The following SEPTIN2 variants were observed in gnomAD, a reference collection of about 807,000 sequenced individuals.
SEPTIN2 encodes septin-2.
In SEPTIN2, 34 loss-of-function variants were observed where a neutral mutation model predicts 46.5. That is an observed-to-expected ratio of 0.73 (90% CI 0.56 to 0.97). The LOEUF is 0.97. Ranked by LOEUF, SEPTIN2 falls within the 50% of genes least tolerant of loss-of-function variation. The pLI, the probability that SEPTIN2 is intolerant of heterozygous loss-of-function variation, is 0.00. For missense variants in SEPTIN2, 347 were observed against 448.4 expected, an observed-to-expected ratio of 0.77 and a Z score of 2.04; for synonymous variants, 175 against 153.4, an observed-to-expected ratio of 1.14 and a Z score of -1.04.
In SEPTIN2 at chr2:241,317,410, A is replaced by G. The variant is rs1373972737; in HGVS notation, c.-18+1428A>G. On this transcript the variant is annotated intron_variant, in intron 1 of 12. Transcript: ENST00000391971. ...GATTTACATTCTGACTGGCTCTTAA[A>G]CTAGCAAGGTGACCTAGGGAAAGGG... 1.8e-5 allele frequency: 6 copies of G among 325,888 alleles called. No individual in the cohort carries two copies. In the Admixed American group the frequency reaches 3.9e-4, roughly 21 times the overall value. 20.2% of individuals were successfully genotyped at this position (325,888 alleles called of 1,614,324 possible). A position where few individuals can be genotyped will look rare whatever the true frequency, so the allele number is the denominator to read the frequency against.
At chr2:241,351,335 AAAAATAC>A (rs1287639774) in intron 12 of SEPTIN2, 1 of 152,218 alleles carries the variant, frequency 6.6e-6, no homozygotes, top group African/African-American at 2.4e-5. Context: ...CAAAATGCAC[AAAAATAC>A]GTATGTACAG....
rs111967172 is a variant in SEPTIN2, at chr2:241,337,534, G to A, written c.476+18G>A. On this transcript the variant is annotated intron_variant, in intron 6 of 12. Coordinates refer to ENST00000391971, the MANE Select transcript of SEPTIN2 (RefSeq NM_004404.5). ...GGACATGGGTAAGTAATTGTTTATC[G>A]TGGAGAAATGCTTTACTACATGGGT... 23 of 1,612,182 alleles carry A rather than the reference G, an allele frequency of 1.4e-5. No individual in the cohort carries two copies. Among genetic ancestry groups the A allele is most frequent in the African/African-American group, 1.2e-4 (9 of 74,970 alleles).
chr2:241,315,796 GA>G (rs1169850307), upstream of SEPTIN2: 1 of 152,462 alleles, frequency 6.6e-6, no homozygotes, highest in Non-Finnish European at 1.5e-5. Flanking sequence ...CCGCATGGGG[GA>G]GGGGAAGAAG....
chr2:241,338,338 C>G (rs1358562034), intron 7 of SEPTIN2, among the ~76,000 whole-genome samples: 2 of 151,908 alleles, frequency 1.3e-5, no homozygotes, highest in South Asian at 2.1e-4. Context: ...TTACTTTGTT[C>G]TGATTATATG....
At position 241,337,805 on chromosome 2, in the gene SEPTIN2, C is replaced by T. The variant is rs1277716593; in HGVS notation, c.594+15C>T. 5.1e-6 allele frequency: 8 copies of T among 1,573,418 alleles called. No individual in the cohort carries two copies. Among genetic ancestry groups the T allele is most frequent in the African/African-American group, 4.1e-5 (3 of 74,070 alleles). Reference sequence around the variant, plus strand: ...TGAAGAAAAGGGTGAGTGAGGCTGGCGTCCTGCCCTCCCTCTGGGTGCGAC... The same window carrying T: ...TGAAGAAAAGGGTGAGTGAGGCTGGTGTCCTGCCCTCCCTCTGGGTGCGAC... On this transcript the variant is annotated intron_variant, in intron 7 of 12. Transcript: ENST00000391971.
intron 1 of SEPTIN2, chr2:241,318,343 A>C (rs1447508336): frequency 6.6e-6 from 1 of 152,220 alleles, no homozygotes; most frequent in Non-Finnish European, 1.5e-5. Context: ...ATAGGTGATA[A>C]GGTAAGTGCC....
At chr2:241,333,974 C>T (rs774216151) in intron 3 of SEPTIN2, among the ~76,000 whole-genome samples, 4 of 152,272 alleles carry the variant, frequency 2.6e-5, no homozygotes, top group East Asian at 1.9e-4. Flanking sequence ...CCCTAGCCTC[C>T]CAAGTAGCTG....
At chr2:241,335,349 G>A in intron 4 of SEPTIN2, 137 bp downstream of exon 4, 1 of 1,552,816 alleles carries the variant, frequency 6.4e-7, no homozygotes, top group Non-Finnish European at 8.7e-7. Context: ...ACACTTTTAT[G>A]GGGTAGGTGT....
At chr2:241,334,189 A>G (rs895751416) in intron 3 of SEPTIN2, among the ~76,000 whole-genome samples, 3 of 152,032 alleles carry the variant, frequency 2.0e-5, no homozygotes, top group Non-Finnish European at 2.9e-5. Context: ...TAATTTTTCA[A>G]AAGAGATGTG....
rs149319447 is a variant in SEPTIN2 at position 241,325,781 on chromosome 2, A to G, written c.10-212A>G. ...GTTAATTTTCAGTCGCATACAACTA[A>G]GGAGTTATACTAGATAAGTTTTTCT... On this transcript the variant is annotated intron_variant, in intron 2 of 12. Coordinates refer to ENST00000391971, the MANE Select transcript of SEPTIN2 (RefSeq NM_004404.5). Among the ~76,000 whole-genome samples, 185 of 152,360 alleles carry G rather than the reference A, an allele frequency of 1.2e-3. 1 individual carries two copies. Among genetic ancestry groups the G allele is most frequent in the African/African-American group, 4.4e-3 (181 of 41,578 alleles).
chr2:241,338,955 A>ATATATAATTACATATATTTATT (rs2080824145), intron 7 of SEPTIN2, among the ~76,000 whole-genome samples: 5 of 99,698 alleles, frequency 5.0e-5, no homozygotes, highest in East Asian at 2.5e-4. Context: ...TTATATATAT[A>ATATATAATTACATATATTTATT]ATATATATTA....
At chr2:241,342,237 T>G (rs1368615769) in intron 7 of SEPTIN2, among the ~76,000 whole-genome samples, 1 of 152,150 alleles carries the variant, frequency 6.6e-6, no homozygotes, top group African/African-American at 2.4e-5. Context: ...AGGTTTTGTT[T>G]TTTTTTCTTT....
intron 9 of SEPTIN2, among the ~76,000 whole-genome samples, chr2:241,345,895 G>A (rs1421525655): frequency 6.6e-6 from 1 of 152,168 alleles, no homozygotes; most frequent in Non-Finnish European, 1.5e-5. Flanking sequence ...CCTCACACAG[G>A]GGTGGCAGTG....
At position 241,343,780 on chromosome 2, in the gene SEPTIN2, C is replaced by T; in HGVS notation, c.725C>T (p.Ser242Phe). The stretch of plus-strand genomic sequence containing the variant: ...AGCATCCCATTCTCTGTGGTTGGAT[C>T]CAATCAGTTGATTGAAGCCAAAGGA... ...KASIPFSVVGSNQLIEAKGKK... is the reference protein window; with the variant it reads ...KASIPFSVVGFNQLIEAKGKK... The change falls in exon 9 of 13, where the codon TCC becomes TTC. Residue 242 changes from serine to phenylalanine, a missense_variant. By Grantham distance (155) the Ser-to-Phe change is radical. Coordinates refer to ENST00000391971, the MANE Select transcript of SEPTIN2 (RefSeq NM_004404.5). 1 of 1,614,152 alleles carries T rather than the reference C, an allele frequency of 6.2e-7. No individual in the cohort carries two copies. Among genetic ancestry groups the T allele is most frequent in the East Asian group, 2.2e-5 (1 of 44,884 alleles).
chr2:241,335,057 T>C, intron 3 of SEPTIN2, 69 bp from the exon 4 acceptor site: 1 of 1,107,246 alleles, frequency 9.0e-7, no homozygotes, highest in East Asian at 2.4e-5. Context: ...AGGCCTTATG[T>C]AAACACTTAA....
intron 7 of SEPTIN2, among the ~76,000 whole-genome samples, chr2:241,342,515 C>T (rs1270777191): frequency 6.7e-6 from 1 of 148,984 alleles, no homozygotes; most frequent in Non-Finnish European, 1.5e-5. Flanking sequence ...GTATAAATAC[C>T]TTTCTAGCAG....
At chr2:241,322,591 G>A (rs1220553566) in intron 1 of SEPTIN2, among the ~76,000 whole-genome samples, 3 of 150,576 alleles carry the variant, frequency 2.0e-5, no homozygotes, top group Non-Finnish European at 3.0e-5. Context: ...GGGAGACAAT[G>A]CGAGACTCCG....
At chr2:241,316,758 G>T in intron 1 of SEPTIN2, 1 of 424,628 alleles carries the variant, frequency 2.4e-6, no homozygotes, top group Non-Finnish European at 4.2e-6. Flanking sequence ...TCTCTCCACG[G>T]AAACACACGA....
intron 9 of SEPTIN2, 120 bp downstream of exon 9, chr2:241,344,017 G>A: frequency 8.2e-7 from 1 of 1,219,528 alleles, no homozygotes; most frequent in Non-Finnish European, 1.2e-6. Context: ...CGCCCTCAGT[G>A]TTTCTCACAT....
Sources: allele counts gnomAD v4.1 joint callset (sites outside exome capture counted in the v4.1 genomes callset), GRCh38; gene constraint gnomAD v4.1.1; transcripts MANE v1.5; gene names NCBI Gene and HGNC (gene_info 2026-07-23, HGNC 2026-07-21).